The following EEPD1 variants were observed in gnomAD, a reference collection of about 807,000 sequenced individuals.
EEPD1 encodes endonuclease/exonuclease/phosphatase family domain containing 1, also known as endonuclease/exonuclease/phosphatase family domain-containing protein 1.
Under a neutral mutation model 46.3 loss-of-function variants are expected in EEPD1, and 17 were observed. The observed-to-expected ratio is 0.37, with a 90% confidence interval of 0.25 to 0.55. The LOEUF (loss-of-function observed/expected upper bound fraction) is 0.55. Ranked by LOEUF, EEPD1 falls within the 20% of genes least tolerant of loss-of-function variation. The pLI, the probability that EEPD1 is intolerant of heterozygous loss-of-function variation, is 0.83. For synonymous variants in EEPD1, 313 were observed against 315.6 expected (o/e 0.99, Z 0.09); for missense variants, 673 against 745.6 (o/e 0.90, Z 1.13).
intron 2 of EEPD1, among the ~76,000 whole-genome samples, chr7:36,232,178 T>C (rs1341986075): frequency 2.0e-5 from 3 of 151,878 alleles, no homozygotes; most frequent in Non-Finnish European, 4.4e-5. Flanking sequence ...TTGCTGGTTT[T>C]TTTTTTTTTT....
intron 3 of EEPD1, among the ~76,000 whole-genome samples, chr7:36,272,139 T>C (rs1212562066): frequency 6.6e-6 from 1 of 151,596 alleles, no homozygotes; most frequent in East Asian, 1.9e-4. Context: ...TGCCTCAGCC[T>C]CCCGAAGTGC....
intron 2 of EEPD1, among the ~76,000 whole-genome samples, chr7:36,208,289 G>A (rs1408184689): frequency 6.6e-6 from 1 of 152,198 alleles, no homozygotes; most frequent in Non-Finnish European, 1.5e-5. Flanking sequence ...AGGACTTCAT[G>A]CTAAAAATAA....
At chr7:36,271,184 T>TA (rs1346453783) in intron 3 of EEPD1, among the ~76,000 whole-genome samples, 2 of 151,854 alleles carry the variant, frequency 1.3e-5, no homozygotes, top group Non-Finnish European at 2.9e-5. Flanking sequence ...GACAGGGTTT[T>TA]ACCATGTTGG....
rs921700043 is a variant in EEPD1 at position 36,274,353 on chromosome 7, C to G, written c.931-6762C>G. On this transcript the variant is annotated intron_variant, in intron 3 of 7. Transcript: ENST00000242108. ...AAGTCCCTTGGCACTCAGTAGACCTCAGCAGAGAGTGTATTTCTGCCCTGT... is the reference window on the plus strand; with the variant it reads ...AAGTCCCTTGGCACTCAGTAGACCTGAGCAGAGAGTGTATTTCTGCCCTGT... Among the ~76,000 whole-genome samples, 15 of 152,320 alleles carry G rather than the reference C, an allele frequency of 9.8e-5. 1 individual carries two copies. The highest frequency in any genetic ancestry group is 5.2e-4 in the Admixed American group (8 of 15,304).
At chr7:36,165,744 T>A (rs1784973081) in intron 2 of EEPD1, among the ~76,000 whole-genome samples, 1 of 151,992 alleles carries the variant, frequency 6.6e-6, no homozygotes, top group Non-Finnish European at 1.5e-5. Context: ...GCCCTAATGA[T>A]CCATTTCTTA....
intron 2 of EEPD1, among the ~76,000 whole-genome samples, chr7:36,164,553 T>C (rs2726108): frequency 0.76 from 115,156 of 152,170 alleles, 44,037 homozygotes; most frequent in Middle Eastern, 0.81. Flanking sequence ...GTTGTACCCA[T>C]GTTGTTTATT....
At chr7:36,272,691 G>T (rs1277073557) in intron 3 of EEPD1, among the ~76,000 whole-genome samples, 1 of 152,108 alleles carries the variant, frequency 6.6e-6, no homozygotes, top group African/African-American at 2.4e-5. Context: ...GGTGGCGGGG[G>T]CTGAGGAAAT....
intron 3 of EEPD1, among the ~76,000 whole-genome samples, chr7:36,269,896 TG>T (rs1475135647): frequency 2.0e-5 from 3 of 152,254 alleles, no homozygotes; most frequent in African/African-American, 4.8e-5. Flanking sequence ...GAAGTTTTAT[TG>T]CTACCTTGCT....
At chr7:36,255,727 T>G in intron 3 of EEPD1, among the ~76,000 whole-genome samples, 1 of 152,378 alleles carries the variant, frequency 6.6e-6, no homozygotes, top group East Asian at 1.9e-4. Flanking sequence ...CTTTTCTTCA[T>G]TAGTCTGGCT....
chr7:36,165,623 T>C (rs1784970878), intron 2 of EEPD1, among the ~76,000 whole-genome samples: 1 of 69,472 alleles, frequency 1.4e-5, no homozygotes, highest in Admixed American at 1.5e-4. Context: ...TTATTTTTAG[T>C]AGAGACAGGG....
intron 3 of EEPD1, among the ~76,000 whole-genome samples, chr7:36,254,702 C>G (rs767065402): frequency 8.5e-5 from 13 of 152,180 alleles, no homozygotes; most frequent in Admixed American, 2.0e-4. Context: ...GGAATCACCA[C>G]ATAATGTCTT....
At chr7:36,286,742 A>C (rs1787347578) in intron 5 of EEPD1, among the ~76,000 whole-genome samples, 1 of 152,188 alleles carries the variant, frequency 6.6e-6, no homozygotes, top group Non-Finnish European at 1.5e-5. Flanking sequence ...AGGAGGAGGC[A>C]CATCCCAGCG....
In EEPD1 at chr7:36,301,150, G is replaced by C. The variant is rs913102458; in HGVS notation, c.*1944G>C. 1 of 152,192 alleles carries C rather than the reference G, an allele frequency of 6.6e-6. No homozygotes were observed. Among genetic ancestry groups the C allele is most frequent in the Admixed American group, 6.5e-5 (1 of 15,276 alleles). 9.4% of individuals were successfully genotyped at this position (152,192 alleles called of 1,614,324 possible). ...TCAGATGACCTTTGTGTTCGTAATC[G>C]GGCTTGAGCCAGAGGCTGGGGAGCT... On this transcript the variant is annotated 3_prime_UTR_variant, in exon 8 of 8. Transcript: ENST00000242108.
intron 2 of EEPD1, among the ~76,000 whole-genome samples, chr7:36,202,826 G>A (rs1418457827): frequency 2.0e-5 from 3 of 152,328 alleles, no homozygotes; most frequent in East Asian, 1.9e-4. Context: ...TAGCTTATAC[G>A]TGGAGCTGGG....
rs1193221199 is a variant in EEPD1 at position 36,154,129 on chromosome 7, C to G, written c.-192-4C>G. On this transcript the variant is annotated splice_region_variant and splice_polypyrimidine_tract_variant and intron_variant, in intron 1 of 7. Transcript: ENST00000242108. This position sits in a 1 kb window ranked among gnomAD's most constrained non-coding sequence, Gnocchi z 4.2. ...GTTTCTATGTTTATTGATTTATTTT[C>G]TAGGCGGCCAAGTGAAAGGTAATTT... is the stretch of plus-strand genomic sequence containing the variant. 1.2e-5 allele frequency: 8 copies of G among 642,348 alleles called. No individual in the cohort carries two copies. The highest frequency in any genetic ancestry group is 1.8e-5 in the Non-Finnish European group (7 of 380,524). The allele number at this position is 642,348 out of a possible 1,614,324, so 39.8% of individuals were successfully genotyped here. A position where few individuals can be genotyped will look rare whatever the true frequency, so the allele number is the denominator to read the frequency against.
At chr7:36,281,910 C>G (rs189421519) in intron 4 of EEPD1, among the ~76,000 whole-genome samples, 1 of 152,244 alleles carries the variant, frequency 6.6e-6, no homozygotes, top group Admixed American at 6.5e-5. Context: ...CCCTAGTATA[C>G]CTAACATGCT....
At chr7:36,183,174 T>C (rs565366447) in intron 2 of EEPD1, among the ~76,000 whole-genome samples, 1 of 152,332 alleles carries the variant, frequency 6.6e-6, no homozygotes, top group South Asian at 2.1e-4. Flanking sequence ...GACTGTGTAG[T>C]GTTCCTGAGT....
At position 36,294,592 on chromosome 7, in the gene EEPD1, A is replaced by G. The variant is rs368786117; in HGVS notation, c.1316-2401A>G. The stretch of plus-strand genomic sequence containing the variant: ...GTTTGATTTTGGAGGCACTCTAGGA[A>G]AATTCTGCCAGATTGTACTACATTT... On this transcript the variant is annotated intron_variant, in intron 6 of 7. Transcript: ENST00000242108. Among the ~76,000 whole-genome samples, 22 of 152,292 alleles carry G rather than the reference A, an allele frequency of 1.4e-4. 1 individual carries two copies. In the South Asian group the frequency reaches 4.4e-3, roughly 30 times the overall value.
chr7:36,280,101 A>G (rs7790611), intron 3 of EEPD1, among the ~76,000 whole-genome samples: 82,010 of 152,024 alleles, frequency 0.54, 22,496 homozygotes, highest in South Asian at 0.6. Flanking sequence ...CAAGATGGGC[A>G]CTGGGTGGAG....
Sources: allele counts gnomAD v4.1 joint callset (sites outside exome capture counted in the v4.1 genomes callset), GRCh38; gene constraint gnomAD v4.1.1; non-coding constraint Gnocchi (gnomAD v3.1); transcripts MANE v1.5; gene names NCBI Gene and HGNC (gene_info 2026-07-23, HGNC 2026-07-21).